FRMD4A: variants seen among roughly 807,000 people sequenced by gnomAD.
The protein encoded by FRMD4A is FERM domain-containing protein 4A.
Under a neutral mutation model 129.1 loss-of-function variants are expected in FRMD4A, and 29 were observed. That is an observed-to-expected ratio of 0.22 (90% CI 0.17 to 0.31). The LOEUF (loss-of-function observed/expected upper bound fraction) is 0.31. Ranked by LOEUF, FRMD4A falls within the 10% of genes least tolerant of loss-of-function variation. The pLI is 1.00. For synonymous variants in FRMD4A, 634 were observed against 571.6 expected, an observed-to-expected ratio of 1.11 and a Z score of -1.56; for missense variants, 1,272 against 1,375.8, an observed-to-expected ratio of 0.92 and a Z score of 1.19.
intron 12 of FRMD4A, among the ~76,000 whole-genome samples, chr10:13,726,606 G>A (rs1236430705): frequency 3.3e-5 from 5 of 152,152 alleles, no homozygotes; most frequent in African/African-American, 7.2e-5. Context: ...TTCTGAGCTC[G>A]TAAGTCTCAG....
intron 2 of FRMD4A, among the ~76,000 whole-genome samples, chr10:14,113,777 C>T (rs896284480): frequency 5.3e-5 from 8 of 151,958 alleles, no homozygotes; most frequent in Admixed American, 1.3e-4. Context: ...AGTGTGCGCG[C>T]GCGTGTGTGC....
intron 2 of FRMD4A, among the ~76,000 whole-genome samples, chr10:14,000,646 C>CAAAAAAAAA (rs11377448): frequency 0.021 from 930 of 43,394 alleles, 133 homozygotes; most frequent in East Asian, 0.043. Context: ...GACGCCACCT[C>CAAAAAAAAA]AAAAAAAAAA....
In FRMD4A at chr10:14,127,954, CTT is replaced by C. The variant is rs1564319125; in HGVS notation, c.45+202102_45+202103del. Among the ~76,000 whole-genome samples, 228 of 26,750 alleles carry C rather than the reference CTT, an allele frequency of 8.5e-3. 3 individuals carry two copies. The highest frequency in any genetic ancestry group is 0.023 in the South Asian group (21 of 922). 17.5% of individuals were successfully genotyped at this position (26,750 alleles called of 152,430 possible). A position where few individuals can be genotyped will look rare whatever the true frequency, so the allele number is the denominator to read the frequency against. ...TCTTTCTTTCTTTCTTTCTTTCTTTCTTTCTTTCTTTCTTTCTTTCTTTCCTT... is the reference window on the plus strand; with the variant it reads ...TCTTTCTTTCTTTCTTTCTTTCTTTCTCTTTCTTTCTTTCTTTCTTTCCTT... On this transcript the variant is annotated intron_variant, in intron 2 of 24. Transcript: ENST00000357447.
Position 13,931,918 on chromosome 10 carries a change from C to A in FRMD4A, c.46-73006G>T, listed in dbSNP as rs1589313932. Among the ~76,000 whole-genome samples, 5 of 152,242 alleles carry A rather than the reference C, an allele frequency of 3.3e-5. No individual in the cohort carries two copies. The South Asian group carries it at 1.0e-3, about 32-fold the overall frequency. On this transcript the variant is annotated intron_variant, in intron 2 of 24. Transcript: ENST00000357447. ...AAGCCACGATTGTGCCACTGCACTC[C>A]AGCCTGGGCAATAGAGCAAGACTCT... is the stretch of plus-strand genomic sequence containing the variant.
At chr10:14,261,941 AACACACACACACACACACACAC>A (rs55763234) in intron 2 of FRMD4A, among the ~76,000 whole-genome samples, 14,132 of 128,314 alleles carry the variant, frequency 0.11, 877 homozygotes, top group Middle Eastern at 0.19. Context: ...CACCACACCA[AACACACACACACACACACACAC>A]ACACACACAC....
intron 2 of FRMD4A, among the ~76,000 whole-genome samples, chr10:13,935,806 G>C (rs1185914981): frequency 6.6e-6 from 1 of 152,232 alleles, no homozygotes; most frequent in African/African-American, 2.4e-5. Context: ...AGAAACTGAG[G>C]CTCAAAAAGC....
chr10:14,102,246 G>A (rs1423621930), intron 2 of FRMD4A, among the ~76,000 whole-genome samples: 1 of 152,192 alleles, frequency 6.6e-6, no homozygotes, highest in Non-Finnish European at 1.5e-5. Flanking sequence ...GATGCACTGG[G>A]CCAGACACGG....
chr10:13,693,618 T>TG (rs1232276952), intron 15 of FRMD4A: 2 of 747,216 alleles, frequency 2.7e-6, no homozygotes, highest in Non-Finnish European at 4.0e-6. Flanking sequence ...TGAAACGCTC[T>TG]GGGGGGTACC....
rs186049163 is a variant in FRMD4A, at chr10:13,912,668, A to G, written c.46-53756T>C. Among the ~76,000 whole-genome samples the G allele has an allele frequency of 5.9e-3, 896 of 151,966 alleles. 22 individuals are homozygous for G. The highest frequency in any genetic ancestry group is 0.046 in the Admixed American group (698 of 15,244). Reference sequence around the variant, plus strand: ...CTCAGCCTCCTGAGTAGCTGGGACTACAGGCGCCACCACCATGCCCGGCTA... The same window carrying G: ...CTCAGCCTCCTGAGTAGCTGGGACTGCAGGCGCCACCACCATGCCCGGCTA... On this transcript the variant is annotated intron_variant, in intron 2 of 24. Transcript: ENST00000357447.
chr10:14,100,061 C>G, intron 2 of FRMD4A, among the ~76,000 whole-genome samples: 1 of 152,222 alleles, frequency 6.6e-6, no homozygotes. Context: ...ACGTGCCAGA[C>G]AGGCGGCTCA....
chr10:13,697,494 G>C (rs1043717728), intron 14 of FRMD4A, among the ~76,000 whole-genome samples: 5 of 152,150 alleles, frequency 3.3e-5, no homozygotes, highest in Non-Finnish European at 7.4e-5. Context: ...TAACAGACTC[G>C]GTGGGGAGAG....
At chr10:14,187,108 G>GACATAAAACATGCCATTA in intron 2 of FRMD4A, among the ~76,000 whole-genome samples, 1 of 147,764 alleles carries the variant, frequency 6.8e-6, no homozygotes, top group Non-Finnish European at 1.5e-5. Flanking sequence ...GACAGAGCAA[G>GACATAAAACATGCCATTA]GCTCTGTCTC....
rs954437174 is a variant in FRMD4A, at chr10:13,646,981, A to T, written c.*57T>A. 2.0e-6 allele frequency: 2 copies of T among 984,916 alleles called. No individual in the cohort carries two copies. The highest frequency in any genetic ancestry group is 2.4e-6 in the Non-Finnish European group (2 of 829,020). 61.0% of individuals were successfully genotyped at this position (984,916 alleles called of 1,614,324 possible). A position where few individuals can be genotyped will look rare whatever the true frequency, so the allele number is the denominator to read the frequency against. On this transcript the variant is annotated 3_prime_UTR_variant, in exon 25 of 25. Coordinates refer to ENST00000357447, the MANE Select transcript of FRMD4A (RefSeq NM_018027.5). ...CTTTTTCCTGCCCGTACCACTGGAC[A>T]TCAGCTAGTTCTGGATAGAGGGAGG...
At chr10:14,275,837 A>C (rs1845320540) in intron 2 of FRMD4A, among the ~76,000 whole-genome samples, 1 of 152,162 alleles carries the variant, frequency 6.6e-6, no homozygotes, top group Admixed American at 6.5e-5. Flanking sequence ...CCAGGAGTTC[A>C]AGACTAACCT....
intron 2 of FRMD4A, among the ~76,000 whole-genome samples, chr10:14,123,703 G>A (rs1243675177): frequency 6.6e-6 from 1 of 152,204 alleles, no homozygotes; most frequent in Non-Finnish European, 1.5e-5. Flanking sequence ...GAATCCTGAT[G>A]TGCTTTGACT....
At chr10:13,974,548 G>C (rs1325730013) in intron 2 of FRMD4A, among the ~76,000 whole-genome samples, 1 of 151,732 alleles carries the variant, frequency 6.6e-6, no homozygotes, top group Non-Finnish European at 1.5e-5. Context: ...ATTGATGGAG[G>C]CGGAGTCTCG....
At chr10:14,183,159 A>G (rs572960007) in intron 2 of FRMD4A, among the ~76,000 whole-genome samples, 1 of 152,212 alleles carries the variant, frequency 6.6e-6, no homozygotes, top group Non-Finnish European at 1.5e-5. Context: ...TCCAGATTAT[A>G]TGGTCTTAGA....
In FRMD4A at chr10:14,199,405, C is replaced by T. The variant is rs571151407; in HGVS notation, c.45+130653G>A. Among the ~76,000 whole-genome samples the T allele has an allele frequency of 5.4e-5, 8 of 148,782 alleles. No individual in the cohort carries two copies. In the South Asian group the frequency reaches 1.7e-3, roughly 31 times the overall value. The stretch of plus-strand genomic sequence containing the variant: ...TGATCTCAACTCACTGCAATCTCCA[C>T]CTCCCGGGCTCAATCTCAACTCACT... On this transcript the variant is annotated intron_variant, in intron 2 of 24. Coordinates refer to ENST00000357447, the MANE Select transcript of FRMD4A (RefSeq NM_018027.5).
chr10:14,147,567 G>C (rs1022281599), intron 2 of FRMD4A, among the ~76,000 whole-genome samples: 1 of 152,054 alleles, frequency 6.6e-6, no homozygotes, highest in African/African-American at 2.4e-5. Context: ...TCTTATCTGG[G>C]GGTGATGGGA....
Sources: gnomAD v4.1 joint callset for allele counts (sites outside exome capture counted in the v4.1 genomes callset) on GRCh38, gnomAD v4.1.1 for gene constraint, MANE v1.5 for transcripts, NCBI Gene and HGNC (gene_info 2026-07-23, HGNC 2026-07-21) for gene names.